The following VPS41 variants were observed in gnomAD, a reference collection of about 807,000 sequenced individuals.
VPS41 encodes the protein VPS41 subunit of HOPS complex.
In VPS41, 85 loss-of-function variants were observed where a neutral mutation model predicts 130.9. The observed-to-expected ratio is 0.65, with a 90% CI of 0.55 to 0.78. The LOEUF (loss-of-function observed/expected upper bound fraction) is 0.78, where lower values mean the gene tolerates loss of function less well. Among genes scored for constraint, VPS41 ranks in the 30% least tolerant of loss-of-function variants. The pLI, the probability that VPS41 is intolerant of heterozygous loss-of-function variation, is 0.00. For synonymous variants in VPS41, 335 were observed against 332.9 expected (o/e 1.01, Z -0.07); for missense variants, 874 against 1,018.7 (o/e 0.86, Z 1.93).
At position 38,729,161 on chromosome 7, in the gene VPS41, A is replaced by G. The variant is rs1378244981; in HGVS notation, c.2260-370T>C. On this transcript the variant is annotated intron_variant, in intron 25 of 28. Coordinates refer to ENST00000310301, the MANE Select transcript of VPS41 (RefSeq NM_014396.4). ...CTCTTGGGCAGACTTTGGCTCCTAC[A>G]TCATGTGTTCATTCCATTCTTCAGA... Among the ~76,000 whole-genome samples the G allele has an allele frequency of 2.0e-5, 3 of 152,196 alleles. No homozygotes were observed. In the East Asian group the frequency reaches 5.8e-4, roughly 29 times the overall value.
At chr7:38,817,431 G>A (rs905252552) in intron 7 of VPS41, among the ~76,000 whole-genome samples, 2 of 152,044 alleles carry the variant, frequency 1.3e-5, no homozygotes, top group East Asian at 1.9e-4. Flanking sequence ...CTTTAGTAGA[G>A]ACATGGCAAA....
intron 4 of VPS41, among the ~76,000 whole-genome samples, chr7:38,843,315 T>C (rs1486925421): frequency 6.6e-6 from 1 of 152,160 alleles, no homozygotes; most frequent in Non-Finnish European, 1.5e-5. Flanking sequence ...TGACACTAAT[T>C]ATATTTCAGA....
rs568849848 is a variant in VPS41 at position 38,793,689 on chromosome 7, T to C, written c.717+1776A>G. ...GTTCACTGGGCTAAAATCAAGGTGT[T>C]GGCAAGGCTGTACTTCCTCTGGAGG... On this transcript the variant is annotated intron_variant, in intron 9 of 28. Transcript: ENST00000310301. Among the ~76,000 whole-genome samples the C allele has an allele frequency of 3.3e-5, 5 of 152,296 alleles. No individual in the cohort carries two copies. In the South Asian group the frequency reaches 1.0e-3, roughly 32 times the overall value.
At chr7:38,872,704 A>T (rs1035476242) in intron 2 of VPS41, among the ~76,000 whole-genome samples, 1 of 152,240 alleles carries the variant, frequency 6.6e-6, no homozygotes, top group Non-Finnish European at 1.5e-5. Context: ...GTTACACCTC[A>T]AAACTGACCT....
chr7:38,899,295 C>A (rs544264692), intron 1 of VPS41, among the ~76,000 whole-genome samples: 4 of 152,238 alleles, frequency 2.6e-5, no homozygotes, highest in African/African-American at 9.6e-5. Flanking sequence ...CTCAATGCAG[C>A]CTGTTTAGCT....
rs1013857950 is a variant in VPS41, at chr7:38,763,631, T to C, written c.1330-84A>G. 13 of 830,396 alleles carry C rather than the reference T, an allele frequency of 1.6e-5. No homozygotes were observed. The Admixed American group carries it at 3.2e-4, about 20-fold the overall frequency. The allele number at this position is 830,396 out of a possible 1,614,324, so 51.4% of individuals were successfully genotyped here. ...CCAATTATGCAGAAAACATAAAGTA[T>C]ATTTTTACTTTAAAAATGTGAGGGA... On this transcript the variant is annotated intron_variant, in intron 16 of 28. Transcript: ENST00000310301.
intron 7 of VPS41, among the ~76,000 whole-genome samples, chr7:38,807,311 T>C (rs1784858384): frequency 6.6e-6 from 1 of 152,208 alleles, no homozygotes; most frequent in Non-Finnish European, 1.5e-5. Context: ...TAATTCACTA[T>C]TGTTAGACAG....
chr7:38,824,012 C>A (rs1785222854), intron 5 of VPS41, among the ~76,000 whole-genome samples: 1 of 152,114 alleles, frequency 6.6e-6, no homozygotes, highest in Non-Finnish European at 1.5e-5. Flanking sequence ...TGGACCCCAA[C>A]AAATCTAAGA....
At position 38,745,628 on chromosome 7, in the gene VPS41, G is replaced by A. The variant is rs1308119343; in HGVS notation, c.1927-15C>T. The A allele has an allele frequency of 2.5e-6, 4 of 1,593,314 alleles. No homozygotes were observed. Among genetic ancestry groups the A allele is most frequent in the African/African-American group, 1.4e-5 (1 of 73,466 alleles). ...ATCTCAAGAGCCTTCAATTAAAGCA[G>A]GGTAAAAATGTTACTATAGGCGACC... is the stretch of plus-strand genomic sequence containing the variant. On this transcript the variant is annotated splice_polypyrimidine_tract_variant and intron_variant, in intron 22 of 28. Transcript: ENST00000310301.
chr7:38,739,355 G>A (rs1318722481), intron 25 of VPS41, among the ~76,000 whole-genome samples: 1 of 152,074 alleles, frequency 6.6e-6, no homozygotes, highest in Non-Finnish European at 1.5e-5. Context: ...TTTGCTAGGT[G>A]AGAGTATGTG....
intron 4 of VPS41, among the ~76,000 whole-genome samples, chr7:38,845,719 T>C (rs945320549): frequency 1.4e-4 from 22 of 152,244 alleles, no homozygotes; most frequent in African/African-American, 5.3e-4. Context: ...GCCAACAAAG[T>C]TTCTCTTTCT....
chr7:38,761,456 T>C (rs1483204021), intron 17 of VPS41, among the ~76,000 whole-genome samples: 1 of 151,256 alleles, frequency 6.6e-6, no homozygotes, highest in African/African-American at 2.4e-5. Context: ...TTGTATTTTT[T>C]TTTTTTTTAG....
intron 2 of VPS41, among the ~76,000 whole-genome samples, chr7:38,890,326 A>C (rs1434300052): frequency 6.6e-6 from 1 of 152,202 alleles, no homozygotes; most frequent in African/African-American, 2.4e-5. Context: ...GTATGTATAA[A>C]ACGACAAAAT....
At chr7:38,901,233 G>A (rs1452998316) in intron 1 of VPS41, among the ~76,000 whole-genome samples, 1 of 152,186 alleles carries the variant, frequency 6.6e-6, no homozygotes, top group African/African-American at 2.4e-5. Flanking sequence ...TGTTAAATGG[G>A]TACAGAGTTT....
chr7:38,908,434 A>T (rs945794088), intron 1 of VPS41, among the ~76,000 whole-genome samples: 1 of 152,186 alleles, frequency 6.6e-6, no homozygotes, highest in Non-Finnish European at 1.5e-5. Flanking sequence ...CCACGTTGCC[A>T]GTTGTTGACT....
chr7:38,841,664 C>T lies in VPS41; in HGVS notation c.247-11336G>A, dbSNP rs143348071. 2.1e-3 allele frequency among the ~76,000 whole-genome samples: 315 copies of T among 152,282 alleles called. No individual in the cohort carries two copies. In the East Asian group the frequency reaches 0.041, roughly 20 times the overall value. On this transcript the variant is annotated intron_variant, in intron 4 of 28. Transcript: ENST00000310301. ...TGTTGCCCAGGCTGGAGTGCAATGG[C>T]GCAATCTTGGCCTACTGCAACCTCC...
intron 10 of VPS41, among the ~76,000 whole-genome samples, chr7:38,786,486 C>A (rs7777039): frequency 6.6e-6 from 1 of 152,100 alleles, no homozygotes; most frequent in African/African-American, 2.4e-5. Context: ...TGAGTCTACA[C>A]TACTGAGCGG....
At chr7:38,826,375 C>T (rs1477929638) in intron 5 of VPS41, among the ~76,000 whole-genome samples, 1 of 152,092 alleles carries the variant, frequency 6.6e-6, no homozygotes, top group African/African-American at 2.4e-5. Flanking sequence ...GCAGAACATT[C>T]CAAAGATTCA....
At chr7:38,856,013 T>C (rs890574912) in intron 4 of VPS41, among the ~76,000 whole-genome samples, 1 of 152,152 alleles carries the variant, frequency 6.6e-6, no homozygotes, top group Non-Finnish European at 1.5e-5. Flanking sequence ...GTTCTCTTCC[T>C]GGTTTGCAGA....
Sources: gnomAD v4.1 joint callset for allele counts (sites outside exome capture counted in the v4.1 genomes callset) on GRCh38, gnomAD v4.1.1 for gene constraint, MANE v1.5 for transcripts, NCBI Gene and HGNC (gene_info 2026-07-23, HGNC 2026-07-21) for gene names.